Variants in HEPN1 observed in about 807,000 individuals in gnomAD.
HEPN1 encodes the protein hepatocellular carcinoma, down-regulated 1.
For missense variants in HEPN1, 97 were observed against 103.3 expected (o/e 0.94, Z 0.26); for synonymous variants, 46 against 41.2 (o/e 1.12, Z -0.45).
In HEPN1 at chr11:124,920,093, G is replaced by C; in HGVS notation, c.*76G>C. ...AGGGCAGATGGGTGGCAGGAGGCCAGGGGTTGGATCATGTTCCCCCCAAAT... is the reference window on the plus strand; with the variant it reads ...AGGGCAGATGGGTGGCAGGAGGCCACGGGTTGGATCATGTTCCCCCCAAAT... On this transcript the variant is annotated 3_prime_UTR_variant, in exon 1 of 1. Transcript: ENST00000408930. 4.0e-6 allele frequency: 6 copies of C among 1,499,926 alleles called. No homozygotes were observed. In the South Asian group the frequency reaches 6.4e-5, roughly 16 times the overall value. 92.9% of individuals were successfully genotyped at this position (1,499,926 alleles called of 1,614,324 possible).
exon 1 of HEPN1, chr11:124,920,316 G>T: frequency 2.2e-6 from 3 of 1,362,670 alleles, no homozygotes; most frequent in Non-Finnish European, 3.0e-6. Flanking sequence ...TCGGGCCAGG[G>T]GAGTAAGTGA....
chr11:124,919,821 G>C, exon 1 of HEPN1: 1 of 1,614,146 alleles, frequency 6.2e-7, no homozygotes, highest in Non-Finnish European at 8.5e-7. Context: ...AGGAGACTAG[G>C]GATGCAAGGA....
At chr11:124,919,810 T>C (rs2135393179) in exon 1 of HEPN1, 1 of 1,614,134 alleles carries the variant, frequency 6.2e-7, no homozygotes, top group South Asian at 1.1e-5. Flanking sequence ...AGCTGGAGTT[T>C]AGGAGACTAG....
exon 1 of HEPN1, chr11:124,920,290 T>C: frequency 1.8e-6 from 2 of 1,119,128 alleles, no homozygotes; most frequent in Non-Finnish European, 2.5e-6. Context: ...AAACAGTTCC[T>C]CATTTGGTCT....
At chr11:124,920,677 GCAAAAAAAAAAAAAAAA>G (rs1383044265), downstream of HEPN1, 2 of 108,152 alleles carry the variant, frequency 1.8e-5, no homozygotes, top group South Asian at 1.7e-4. Flanking sequence ...ATCTGAACTT[GCAAAAAAAAAAAAAAAA>G]AAAAAAAAAA....
rs1947097863 is a variant in HEPN1 at position 124,919,745 on chromosome 11, G to A, written c.-6G>A. 6.2e-7 allele frequency: 1 copy of A among 1,613,288 alleles called. No homozygotes were observed. Among genetic ancestry groups the A allele is most frequent in the Non-Finnish European group, 8.5e-7 (1 of 1,179,692 alleles). ...CTGAGACAAAACTTGACCTGGTGTGGAGGTGATGGGTAACTGGGGCCTTGG... is the reference window on the plus strand; with the variant it reads ...CTGAGACAAAACTTGACCTGGTGTGAAGGTGATGGGTAACTGGGGCCTTGG... On this transcript the variant is annotated 5_prime_UTR_variant, in exon 1 of 1. It introduces an in-frame stop codon into an upstream open reading frame of the 5' UTR. Coordinates refer to ENST00000408930, the Ensembl canonical transcript of HEPN1.
chr11:124,920,159 C>G lies in HEPN1; in HGVS notation c.*142C>G, dbSNP rs546050911. 4 of 1,018,160 alleles carry G rather than the reference C, an allele frequency of 3.9e-6. No homozygotes were observed. In the Admixed American group the frequency reaches 7.7e-5, roughly 20 times the overall value. The allele number at this position is 1,018,160 out of a possible 1,614,324, so 63.1% of individuals were successfully genotyped here. On this transcript the variant is annotated 3_prime_UTR_variant, in exon 1 of 1. Coordinates refer to ENST00000408930, the Ensembl canonical transcript of HEPN1. ...GCCTCCTCCTCCCCCCACCATTTCT[C>G]TGGAGATTAGGACTTATTCTCACAG...
rs1947105064 is a variant in HEPN1 at position 124,920,038 on chromosome 11, C to G, written c.*21C>G. The G allele has an allele frequency of 4.4e-6, 7 of 1,606,124 alleles. No homozygotes were observed. The East Asian group carries it at 1.6e-4, about 36-fold the overall frequency. ...TGTGATTAGGGAGTCTGCCCTTTTTCTGTGCCCTGGGACCTGAGCATGTGG... is the reference window on the plus strand; with the variant it reads ...TGTGATTAGGGAGTCTGCCCTTTTTGTGTGCCCTGGGACCTGAGCATGTGG... On this transcript the variant is annotated 3_prime_UTR_variant, in exon 1 of 1. Coordinates refer to ENST00000408930, the Ensembl canonical transcript of HEPN1.
chr11:124,919,935 C>T, exon 1 of HEPN1: 1 of 1,614,010 alleles, frequency 6.2e-7, no homozygotes, highest in Non-Finnish European at 8.5e-7. Context: ...TACTGCCACT[C>T]CTATGAACTG....
At chr11:124,919,940 G>C in exon 1 of HEPN1, 1 of 1,613,950 alleles carries the variant, frequency 6.2e-7, no homozygotes, top group Non-Finnish European at 8.5e-7. Flanking sequence ...CCACTCCTAT[G>C]AACTGTTCAA....
At chr11:124,920,677 GCAAAAAAAAAA>G (rs1385463004), downstream of HEPN1, 7 of 108,148 alleles carry the variant, frequency 6.5e-5, no homozygotes, top group Admixed American at 4.0e-4. Flanking sequence ...ATCTGAACTT[GCAAAAAAAAAA>G]AAAAAAAAAA....
At chr11:124,920,169 G>A (rs1947107489) in exon 1 of HEPN1, 1 of 957,260 alleles carries the variant, frequency 1.0e-6, no homozygotes. Flanking sequence ...CTGGAGATTA[G>A]GACTTATTCT....
chr11:124,920,274 G>A, exon 1 of HEPN1: 4 of 998,592 alleles, frequency 4.0e-6, no homozygotes, highest in South Asian at 1.7e-5. Context: ...TGAGTTTGAT[G>A]AGCTAAAACA....
At position 124,919,955 on chromosome 11, in the gene HEPN1, C is replaced by G. The variant is rs183886198; in HGVS notation, c.205C>G (p.Arg69Gly). 6.9e-5 allele frequency: 111 copies of G among 1,613,788 alleles called. 1 individual carries two copies. Among genetic ancestry groups the G allele is most frequent in the Middle Eastern group, 1.7e-4 (1 of 5,806 alleles). ...CCACTCCTATGAACTGTTCAATAGGCGGTGGCATGGGCATGTCCTGGCTAC... is the reference window on the plus strand; with the variant it reads ...CCACTCCTATGAACTGTTCAATAGGGGGTGGCATGGGCATGTCCTGGCTAC... Residue 69 changes from arginine (R) to glycine (G), a missense_variant, in exon 1 of 1, where the codon CGG (arginine) becomes GGG (glycine). Transcript: ENST00000408930.
At chr11:124,920,488 A>C in exon 1 of HEPN1, 1 of 1,526,292 alleles carries the variant, frequency 6.6e-7, no homozygotes, top group Non-Finnish European at 8.8e-7. Context: ...CAGAGGGAAA[A>C]GGAATGTACT....
exon 1 of HEPN1, chr11:124,920,333 C>T: frequency 6.8e-7 from 1 of 1,464,282 alleles, no homozygotes; most frequent in Non-Finnish European, 9.3e-7. Context: ...GTGAAATTCA[C>T]TTCTCTATAA....
chr11:124,920,058 A>G (rs1246536378), exon 1 of HEPN1: 13 of 1,593,448 alleles, frequency 8.2e-6, no homozygotes, highest in Non-Finnish European at 4.3e-6. Flanking sequence ...GGACCTGAGC[A>G]TGTGGGAGCA....
exon 1 of HEPN1, chr11:124,920,470 G>A (rs961666708): frequency 3.9e-6 from 6 of 1,538,950 alleles, no homozygotes; most frequent in South Asian, 3.6e-5. Context: ...CCTTGCTAGC[G>A]CCCAGGTCAG....
At chr11:124,919,676 T>C (rs1309573442) in exon 1 of HEPN1, 2 of 1,532,852 alleles carry the variant, frequency 1.3e-6, no homozygotes, top group Admixed American at 1.8e-5. Context: ...TGCTGTGGGG[T>C]TCAGGGCAGA....
Sources: allele counts gnomAD v4.1 joint callset, GRCh38; gene constraint gnomAD v4.1.1; transcripts MANE v1.5; gene names NCBI Gene and HGNC (gene_info 2026-07-23, HGNC 2026-07-21).